Variants in PPP2R2B observed in about 807,000 individuals in gnomAD.
PPP2R2B encodes serine/threonine-protein phosphatase 2A 55 kDa regulatory subunit B beta isoform.
PPP2R2B carries 5 observed loss-of-function variants against 46.0 expected under a neutral mutation model. The observed-to-expected ratio is 0.11, with a 90% CI of 0.06 to 0.23. PPP2R2B has a LOEUF of 0.23. Ranked by LOEUF, PPP2R2B falls within the 10% of genes least tolerant of loss-of-function variation. The pLI is 1.00. For missense variants in PPP2R2B, 367 were observed against 575.0 expected (o/e 0.64, Z 3.70); for synonymous variants, 215 against 206.7 (o/e 1.04, Z -0.34).
chr5:146,659,957 T>C (rs1776574792), intron 5 of PPP2R2B, among the ~76,000 whole-genome samples: 1 of 152,192 alleles, frequency 6.6e-6, no homozygotes, highest in Admixed American at 6.5e-5. Flanking sequence ...AATTCAGTCA[T>C]GATTATATAA....
At chr5:146,761,536 G>T (rs1481137427) in intron 2 of PPP2R2B, among the ~76,000 whole-genome samples, 1 of 152,020 alleles carries the variant, frequency 6.6e-6, no homozygotes, top group Non-Finnish European at 1.5e-5. Flanking sequence ...AGTGGGGGGT[G>T]CAGCACACCA....
At chr5:146,696,352 C>G (rs1416188976) in intron 4 of PPP2R2B, among the ~76,000 whole-genome samples, 1 of 152,206 alleles carries the variant, frequency 6.6e-6, no homozygotes, top group Non-Finnish European at 1.5e-5. Flanking sequence ...GATCTGCCCG[C>G]CTCGGCCTCC....
intron 1 of PPP2R2B, among the ~76,000 whole-genome samples, chr5:146,940,822 C>T (rs1242780348): frequency 6.6e-6 from 1 of 152,136 alleles, no homozygotes; most frequent in Admixed American, 6.6e-5. Flanking sequence ...AGCATCCAAA[C>T]AGGTATGATT....
At chr5:146,963,546 G>A (rs950154820) in intron 1 of PPP2R2B, among the ~76,000 whole-genome samples, 1 of 152,168 alleles carries the variant, frequency 6.6e-6, no homozygotes, top group Non-Finnish European at 1.5e-5. Flanking sequence ...TGTTAGTTGA[G>A]CATTTCTTTG....
At chr5:147,038,239 G>T (rs13183391) in intron 1 of PPP2R2B, among the ~76,000 whole-genome samples, 105,339 of 152,012 alleles carry the variant, frequency 0.69, 37,304 homozygotes, top group South Asian at 0.78. Flanking sequence ...TGTTCTCATA[G>T]AGCTTACATT....
intron 2 of PPP2R2B, among the ~76,000 whole-genome samples, chr5:146,725,278 AT>A (rs1751793488): frequency 6.6e-6 from 1 of 152,146 alleles, no homozygotes; most frequent in South Asian, 2.1e-4. Context: ...TGCTAAATAT[AT>A]TGCAGATTAG....
upstream of PPP2R2B, among the ~76,000 whole-genome samples, chr5:146,882,412 C>T (rs1364519055): frequency 6.6e-6 from 1 of 152,090 alleles, no homozygotes; most frequent in Non-Finnish European, 1.5e-5. Context: ...CATTCTATAT[C>T]GACAGACTAT....
At chr5:147,042,047 G>A (rs1304777613) in intron 1 of PPP2R2B, among the ~76,000 whole-genome samples, 1 of 152,078 alleles carries the variant, frequency 6.6e-6, no homozygotes, top group Non-Finnish European at 1.5e-5. Flanking sequence ...AAGATACTGT[G>A]GCGAGCTATA....
Position 146,785,676 on chromosome 5 carries a change from T to C in PPP2R2B, c.71-84534A>G, listed in dbSNP as rs118033853. On this transcript the variant is annotated intron_variant, in intron 2 of 9. Transcript: ENST00000394411. ...GAACTAAAATAATAACTAGCAAAAA[T>C]CAGAATGGAGTAATTTTTAAAAAGT... Among the ~76,000 whole-genome samples the C allele has an allele frequency of 6.2e-4, 94 of 152,198 alleles. No individual in the cohort carries two copies. The East Asian group carries it at 0.011, about 18-fold the overall frequency.
intron 2 of PPP2R2B, chr5:146,707,056 C>T: frequency 8.7e-7 from 1 of 1,153,730 alleles, no homozygotes; most frequent in Non-Finnish European, 1.3e-6. Context: ...CGTCTCTGTA[C>T]TCTTATTGAT....
chr5:146,979,238 T>C (rs1388890285), intron 1 of PPP2R2B, among the ~76,000 whole-genome samples: 1 of 152,158 alleles, frequency 6.6e-6, no homozygotes, highest in Non-Finnish European at 1.5e-5. Flanking sequence ...TTTTTGTTCA[T>C]TTACATTTCT....
chr5:146,761,852 C>A (rs546018024), intron 2 of PPP2R2B, among the ~76,000 whole-genome samples: 1 of 151,896 alleles, frequency 6.6e-6, no homozygotes, highest in African/African-American at 2.4e-5. Context: ...TAATGTTTCC[C>A]TGGCTTGATG....
chr5:146,835,171 T>C (rs1759204722), intron 2 of PPP2R2B, among the ~76,000 whole-genome samples: 1 of 152,210 alleles, frequency 6.6e-6, no homozygotes, highest in South Asian at 2.1e-4. Flanking sequence ...ATCTATTTTT[T>C]CACTTGTAGT....
upstream of PPP2R2B, among the ~76,000 whole-genome samples, chr5:146,879,651 A>C (rs1762098488): frequency 6.6e-6 from 1 of 152,144 alleles, no homozygotes; most frequent in Non-Finnish European, 1.5e-5. Context: ...TAGGAAGAAA[A>C]TGTAGAATTC....
chr5:146,725,672 TTTA>T (rs1751822091), intron 2 of PPP2R2B, among the ~76,000 whole-genome samples: 1 of 152,216 alleles, frequency 6.6e-6, no homozygotes, highest in Non-Finnish European at 1.5e-5. Context: ...TACTTTATAT[TTTA>T]TTAAGGAGAG....
chr5:146,684,294 C>T (rs1454980937), intron 5 of PPP2R2B, among the ~76,000 whole-genome samples: 1 of 152,098 alleles, frequency 6.6e-6, no homozygotes, highest in African/African-American at 2.4e-5. Context: ...AAGCATATAC[C>T]GAAAATTAAA....
At position 147,026,173 on chromosome 5, in the gene PPP2R2B, T is replaced by A. The variant is rs532126442; in HGVS notation, c.79+29492A>T. 7.9e-5 allele frequency among the ~76,000 whole-genome samples: 12 copies of A among 152,262 alleles called. No homozygotes were observed. In the East Asian group the frequency reaches 2.3e-3, roughly 29 times the overall value. ...AGATCTCCATATAAAGAATTGTCCA[T>A]GAATGTTCATAGCAAGTTTATTTAT... On this transcript the variant is annotated intron_variant, in intron 1 of 8. Transcript: ENST00000336640.
chr5:146,858,175 G>A (rs1389874846), intron 2 of PPP2R2B, among the ~76,000 whole-genome samples: 2 of 152,134 alleles, frequency 1.3e-5, no homozygotes, highest in Non-Finnish European at 2.9e-5. Context: ...TAAATAACTT[G>A]CCCAAGGACT....
chr5:146,760,247 C>G (rs903654244), intron 2 of PPP2R2B, among the ~76,000 whole-genome samples: 1 of 151,964 alleles, frequency 6.6e-6, no homozygotes, highest in Non-Finnish European at 1.5e-5. Context: ...TCCTGGCAAC[C>G]CTATAAGGTA....
Sources: allele counts gnomAD v4.1 joint callset (sites outside exome capture counted in the v4.1 genomes callset), GRCh38; gene constraint gnomAD v4.1.1; transcripts MANE v1.5; gene names NCBI Gene and HGNC (gene_info 2026-07-23, HGNC 2026-07-21).